The following ZNF416 variants were observed in gnomAD, a reference collection of about 807,000 sequenced individuals.
The protein encoded by ZNF416 is zinc finger protein 416.
ZNF416 carries 5 observed loss-of-function variants against 10.9 expected under a neutral mutation model. That is an observed-to-expected ratio of 0.46 (90% confidence interval 0.24 to 0.97). The LOEUF is 0.97. Among genes scored for constraint, ZNF416 ranks in the 50% least tolerant of loss-of-function variants. ZNF416 has a pLI of 0.19. For synonymous variants in ZNF416, 267 were observed against 251.8 expected (o/e 1.06, Z -0.57); for missense variants, 675 against 715.0 (o/e 0.94, Z 0.64).
chr19:57,574,101 TAAAG>T (rs1978436382), intron 3 of ZNF416, among the ~76,000 whole-genome samples: 1 of 152,116 alleles, frequency 6.6e-6, no homozygotes, highest in South Asian at 2.1e-4. Context: ...AGCCAACTCT[TAAAG>T]AGATAGCAAA....
rs1461130383 is a variant in ZNF416, at chr19:57,573,340, C to A, written c.564G>T (p.Gln188His). The change falls in exon 4 of 4, where the codon CAG becomes CAT. Residue 188 changes from glutamine to histidine, a missense_variant. Physicochemically the swap from Gln to His is conservative, Grantham distance 24. Transcript: ENST00000196489. ...TCTCATAGTTAGCAATAGCTTGCGG[C>A]TGAAGAATGCCCAATGGGGCTAGGA... ...KDFLAPLGIL[Q>H]PQAIANYEKP... 1.9e-6 allele frequency: 3 copies of A among 1,614,140 alleles called. No individual in the cohort carries two copies. Among genetic ancestry groups the A allele is most frequent in the Non-Finnish European group, 2.5e-6 (3 of 1,180,058 alleles).
chr19:57,571,940 G>T lies in ZNF416; in HGVS notation c.*179C>A, dbSNP rs2090195272. ...GTTTAGAACATGCAAAGGAGCTCCT[G>T]CAAGACACATATGCCTGGAACTAAT... On this transcript the variant is annotated 3_prime_UTR_variant, in exon 4 of 4. Transcript: ENST00000196489. The T allele has an allele frequency of 2.7e-6, 2 of 735,988 alleles. No homozygotes were observed. Among genetic ancestry groups the T allele is most frequent in the African/African-American group, 3.5e-5 (2 of 56,958 alleles). The allele number at this position is 735,988 out of a possible 1,614,324, so 45.6% of individuals were successfully genotyped here.
chr19:57,573,671 G>A lies in ZNF416; in HGVS notation c.233C>T (p.Thr78Ile). The A allele has an allele frequency of 6.2e-7, 1 of 1,613,562 alleles. No individual in the cohort carries two copies. The highest frequency in any genetic ancestry group is 1.1e-5 in the South Asian group (1 of 91,076). ...TTCTACAGAAACACTTTGCTCAGGT[G>A]TCTCTTCATCCTCCATCCCATGCCA... ...VCWHGMEDEE[T>I]PEQSVSVEGV... The change falls in exon 4 of 4, where the codon ACA becomes ATA. Residue 78 changes from threonine to isoleucine, a missense_variant. By Grantham distance (89) the Thr-to-Ile change is moderately conservative. Coordinates refer to ENST00000196489, the MANE Select transcript of ZNF416 (RefSeq NM_017879.3).
chr19:57,572,849 C>G lies in ZNF416; in HGVS notation c.1055G>C (p.Arg352Thr). The change falls in exon 4 of 4, where the codon AGG (arginine) becomes ACG (threonine). Residue 352 changes from arginine (R) to threonine (T), a missense_variant. Transcript: ENST00000196489. The surrounding 1 kb of genome is among the most constrained non-coding windows in gnomAD (Gnocchi z 4.5). ...IEHCRIHTGE[R>T]PYECDECGKA... ...TCCACATTCATCACACTCATAAGGC[C>G]TTTCTCCAGTGTGAATTCTGCAATG... is the stretch of plus-strand genomic sequence containing the variant. 1 of 1,614,082 alleles carries G rather than the reference C, an allele frequency of 6.2e-7. No homozygotes were observed. Among genetic ancestry groups the G allele is most frequent in the Non-Finnish European group, 8.5e-7 (1 of 1,179,916 alleles).
intron 2 of ZNF416, among the ~76,000 whole-genome samples, chr19:57,577,195 T>C (rs1165758927): frequency 6.6e-6 from 1 of 152,218 alleles, no homozygotes; most frequent in East Asian, 1.9e-4. Flanking sequence ...GGATAAACTA[T>C]CCACTTCATG....
chr19:57,572,436 C>T lies in ZNF416; in HGVS notation c.1468G>A (p.Gly490Arg), dbSNP rs777435081. 1.4e-5 allele frequency: 22 copies of T among 1,614,118 alleles called. No homozygotes were observed. Among genetic ancestry groups the T allele is most frequent in the Non-Finnish European group, 1.7e-5 (20 of 1,180,040 alleles). ...TCACTGCACTCAAAAGGCCTTTCTCCAGTGTGAGTTCTCTGGTGCCTAACA... is the reference window on the plus strand; with the variant it reads ...TCACTGCACTCAAAAGGCCTTTCTCTAGTGTGAGTTCTCTGGTGCCTAACA... Reference protein sequence around the residue: ...KLVRHQRTHTGERPFECSECG... With the variant: ...KLVRHQRTHTRERPFECSECG... The change falls in exon 4 of 4, where the codon GGA becomes AGA. Residue 490 changes from glycine (G) to arginine (R), a missense_variant. By Grantham distance (125) the Gly-to-Arg change is moderately radical (BLOSUM62 -2). Coordinates refer to ENST00000196489, the MANE Select transcript of ZNF416 (RefSeq NM_017879.3). The surrounding 1 kb of genome is among the most constrained non-coding windows in gnomAD (Gnocchi z 4.5).
chr19:57,577,953 G>C, intron 2 of ZNF416, 104 bp downstream of exon 2: 1 of 1,296,422 alleles, frequency 7.7e-7, no homozygotes, highest in South Asian at 1.2e-5. Flanking sequence ...AGGATTCCTA[G>C]AACCAAGGAC....
rs1415609408 is a variant in ZNF416, at chr19:57,572,956, A to AGAACTCAGTG, written c.947_948insCACTGAGTTC (p.His317ThrfsTer17). 6.2e-7 allele frequency: 1 copy of AGAACTCAGTG among 1,613,066 alleles called. No individual in the cohort carries two copies. Among genetic ancestry groups the AGAACTCAGTG allele is most frequent in the South Asian group, 1.1e-5 (1 of 91,024 alleles). On this transcript the variant is annotated frameshift_variant, in exon 4 of 4. Transcript: ENST00000196489. LOFTEE classifies it low-confidence loss of function (END_TRUNC). This position sits in a 1 kb window ranked among gnomAD's most constrained non-coding sequence, Gnocchi z 4.5. The stretch of plus-strand genomic sequence containing the variant: ...GCCTTTCTCCAGTGTGAACTCTGTG[A>AGAACTCAGTG]TGTTTAATGAGGGTGGCTCTTTGGC...
rs145751549 is a variant in ZNF416, at chr19:57,573,515, G to C, written c.389C>G (p.Thr130Ser). The C allele has an allele frequency of 1.8e-5, 29 of 1,614,098 alleles. No individual in the cohort carries two copies. The highest frequency in any genetic ancestry group is 2.2e-5 in the Non-Finnish European group (26 of 1,180,044). The part of the protein sequence containing the change: ...TDLPGQELYL[T>S]GACAVFHQDQ... ...CTGGTGAAAGACCGCACATGCCCCA[G>C]TCAAGTATAGTTCCTGCCCAGGCAA... The change falls in exon 4 of 4, where the codon ACT becomes AGT. Residue 130 changes from threonine to serine, a missense_variant. Thr to Ser is a moderately conservative substitution (Grantham distance 58, BLOSUM62 1). Transcript: ENST00000196489.
In ZNF416 at chr19:57,575,825, A is replaced by C; in HGVS notation, c.181T>G (p.Phe61Val). 5 of 1,614,100 alleles carry C rather than the reference A, an allele frequency of 3.1e-6. No homozygotes were observed. Among genetic ancestry groups the C allele is most frequent in the Non-Finnish European group, 4.2e-6 (5 of 1,180,016 alleles). ...LLYRDVMLEN[F>V]ALITALVCWH... ...TTACCCAGCGCAGTTATAAGTGCAA[A>C]GTTCTCCAGCATCACATCGCGGTAC... is the stretch of plus-strand genomic sequence containing the variant. The change falls in exon 3 of 4, where the codon TTT becomes GTT. Residue 61 changes from phenylalanine to valine, a missense_variant. Physicochemically the swap from Phe to Val is conservative, Grantham distance 50. Transcript: ENST00000196489. The surrounding 1 kb of genome is among the most constrained non-coding windows in gnomAD (Gnocchi z 4.4).
chr19:57,578,541 C>G, intron 1 of ZNF416, 131 bp downstream of exon 1: 1 of 1,030,424 alleles, frequency 9.7e-7, no homozygotes, highest in Non-Finnish European at 1.3e-6. Context: ...TAAATGGGAG[C>G]CCCACCCGCG....
rs1241446618 is a variant in ZNF416 at position 57,578,673 on chromosome 19, G to A, written c.32C>T (p.Ser11Leu). MAAAVLRDST[S>L]VPVTAEAKLM... is the part of the protein sequence containing the mutation. ...AGGCCCGGGAGACGCAGCACTCACC[G>A]AAGTCGAATCCCTAAGCACGGCCGC... The change falls in exon 1 of 4, where the codon TCG (serine) becomes TTG (leucine). Residue 11 changes from serine to leucine, a missense_variant and splice_region_variant. Ser to Leu is a moderately radical substitution (Grantham distance 145, BLOSUM62 -2). Coordinates refer to ENST00000196489, the MANE Select transcript of ZNF416 (RefSeq NM_017879.3). The A allele has an allele frequency of 3.2e-6, 5 of 1,555,320 alleles. No individual in the cohort carries two copies. Among genetic ancestry groups the A allele is most frequent in the South Asian group, 1.2e-5 (1 of 83,966 alleles).
At position 57,571,990 on chromosome 19, in the gene ZNF416, T is replaced by A; in HGVS notation, c.*129A>T. 1 of 1,243,130 alleles carries A rather than the reference T, an allele frequency of 8.0e-7. No homozygotes were observed. The highest frequency in any genetic ancestry group is 1.5e-5 in the South Asian group (1 of 67,612). 77.0% of individuals were successfully genotyped at this position (1,243,130 alleles called of 1,614,324 possible). On this transcript the variant is annotated 3_prime_UTR_variant, in exon 4 of 4. Transcript: ENST00000196489. ...TGGGAGTCTGACCCATCGGGAGGTC[T>A]AGAAGTATGAGGTTTAACTTTAGGC...
At chr19:57,577,574 C>G (rs187234843) in intron 2 of ZNF416, among the ~76,000 whole-genome samples, 1 of 152,184 alleles carries the variant, frequency 6.6e-6, no homozygotes, top group Non-Finnish European at 1.5e-5. Flanking sequence ...CACTATCTTC[C>G]TATCTCATAC....
rs766181863 is a variant in ZNF416, at chr19:57,573,007, C to A, written c.897G>T (p.Val299=). Residue 299 remains valine, a synonymous_variant, in exon 4 of 4, where the codon GTG becomes GTT. Transcript: ENST00000196489. ...TAAATGATTTCCCACACTGACCACA[C>A]ACATAAGGCCTTTCTCCAGTGTGGA... ...RRIHTGERPY[V]CGQCGKSFSQ... 1 of 1,614,190 alleles carries A rather than the reference C, an allele frequency of 6.2e-7. No homozygotes were observed. Among genetic ancestry groups the A allele is most frequent in the South Asian group, 1.1e-5 (1 of 91,084 alleles).
chr19:57,576,879 T>C (rs774743950), intron 2 of ZNF416, among the ~76,000 whole-genome samples: 1 of 152,140 alleles, frequency 6.6e-6, no homozygotes, highest in Non-Finnish European at 1.5e-5. Context: ...TTCCAAGCAT[T>C]GATCTCATGC....
At position 57,578,839 on chromosome 19, in the gene ZNF416, T is replaced by C; in HGVS notation, c.-135A>G. 1.1e-6 allele frequency: 1 copy of C among 913,054 alleles called. No individual in the cohort carries two copies. The highest frequency in any genetic ancestry group is 1.5e-6 in the Non-Finnish European group (1 of 667,514). 56.6% of individuals were successfully genotyped at this position (913,054 alleles called of 1,614,324 possible). A position where few individuals can be genotyped will look rare whatever the true frequency, so the allele number is the denominator to read the frequency against. ...CCCCGCTCTGTGCCGGAGGCAGCGT[T>C]TCTAACTCAGGCGGCGTGGGCCGAG... On this transcript the variant is annotated 5_prime_UTR_variant, in exon 1 of 4. Coordinates refer to ENST00000196489, the MANE Select transcript of ZNF416 (RefSeq NM_017879.3).
At position 57,578,810 on chromosome 19, in the gene ZNF416, C is replaced by G; in HGVS notation, c.-106G>C. On this transcript the variant is annotated 5_prime_UTR_variant, in exon 1 of 4. Transcript: ENST00000196489. ...ACCCACCGGCTGATGCGCAGCGGGG[C>G]GACCCCCGCTCTGTGCCGGAGGCAG... The G allele has an allele frequency of 8.5e-7, 1 of 1,178,454 alleles. No individual in the cohort carries two copies. Among genetic ancestry groups the G allele is most frequent in the Non-Finnish European group, 1.1e-6 (1 of 888,780 alleles). 73.0% of individuals were successfully genotyped at this position (1,178,454 alleles called of 1,614,324 possible).
intron 2 of ZNF416, among the ~76,000 whole-genome samples, chr19:57,576,405 T>C (rs1487563200): frequency 6.6e-6 from 1 of 152,074 alleles, no homozygotes; most frequent in Non-Finnish European, 1.5e-5. Context: ...CATAGGCATC[T>C]CTCTGGCATC....
Sources: allele counts gnomAD v4.1 joint callset (sites outside exome capture counted in the v4.1 genomes callset), GRCh38; gene constraint gnomAD v4.1.1; non-coding constraint Gnocchi (gnomAD v3.1); transcripts MANE v1.5; gene names NCBI Gene and HGNC (gene_info 2026-07-23, HGNC 2026-07-21).